The following CLDN10 variants were observed in gnomAD, a reference collection of about 807,000 sequenced individuals.
CLDN10 encodes claudin-10.
Under a neutral mutation model 22.9 loss-of-function variants are expected in CLDN10, and 15 were observed. The observed-to-expected ratio is 0.65, with a 90% CI of 0.44 to 1.01. The LOEUF (loss-of-function observed/expected upper bound fraction) is 1.01, where lower values mean the gene tolerates loss of function less well. Among genes scored for constraint, CLDN10 ranks in the 50% least tolerant of loss-of-function variants. The probability of loss-of-function intolerance (pLI) is 0.00; values close to 1 mark genes in which losing one functional copy is unlikely to be tolerated. For missense variants in CLDN10, 247 were observed against 287.8 expected, an observed-to-expected ratio of 0.86 and a Z score of 1.03; for synonymous variants, 114 against 111.4, an observed-to-expected ratio of 1.02 and a Z score of -0.15.
intron 1 of CLDN10, among the ~76,000 whole-genome samples, chr13:95,515,190 T>C (rs2043150880): frequency 6.6e-6 from 1 of 150,804 alleles, no homozygotes; most frequent in African/African-American, 2.5e-5. Context: ...TTTGTTGTTG[T>C]TGTTGTTGTT....
intron 1 of CLDN10, among the ~76,000 whole-genome samples, chr13:95,448,194 C>T (rs1233644342): frequency 6.6e-6 from 1 of 152,100 alleles, no homozygotes; most frequent in Non-Finnish European, 1.5e-5. Context: ...GACACCTCAA[C>T]ACACTACACA....
upstream of CLDN10, among the ~76,000 whole-genome samples, chr13:95,551,384 C>G (rs996272806): frequency 6.6e-6 from 1 of 152,194 alleles, no homozygotes; most frequent in Non-Finnish European, 1.5e-5. Flanking sequence ...TAGAAATAGA[C>G]AGGAACATTG....
At chr13:95,522,066 T>C (rs1378563392) in intron 1 of CLDN10, among the ~76,000 whole-genome samples, 1 of 152,048 alleles carries the variant, frequency 6.6e-6, no homozygotes, top group Non-Finnish European at 1.5e-5. Context: ...TTTCTTTTTT[T>C]ACTCAGTCTC....
chr13:95,578,352 C>A lies in CLDN10; in HGVS notation c.*338C>A, dbSNP rs970562709. ...TCATTCATAGATAGAAGTCTTTGTA[C>A]CCACTCCTTATGTTTCTTTTCATTC... On this transcript the variant is annotated 3_prime_UTR_variant, in exon 5 of 5. Transcript: ENST00000299339. 4.2e-5 allele frequency: 7 copies of A among 165,308 alleles called. No individual in the cohort carries two copies. The highest frequency in any genetic ancestry group is 1.4e-4 in the African/African-American group (6 of 41,870). The allele number at this position is 165,308 out of a possible 1,614,324, so 10.2% of individuals were successfully genotyped here. A position where few individuals can be genotyped will look rare whatever the true frequency, so the allele number is the denominator to read the frequency against.
intron 1 of CLDN10, among the ~76,000 whole-genome samples, chr13:95,443,689 G>T (rs1483480652): frequency 6.6e-6 from 1 of 152,180 alleles, no homozygotes; most frequent in Non-Finnish European, 1.5e-5. Flanking sequence ...TTGTCTGGTT[G>T]CCACCCTGGG....
At chr13:95,499,061 C>T (rs982391027) in intron 1 of CLDN10, among the ~76,000 whole-genome samples, 4 of 152,210 alleles carry the variant, frequency 2.6e-5, no homozygotes, top group Non-Finnish European at 5.9e-5. Context: ...AGCTTCCTTG[C>T]TTTTCAAGAC....
At chr13:95,547,043 TAA>T (rs2043516704) in intron 1 of CLDN10, among the ~76,000 whole-genome samples, 1 of 138,350 alleles carries the variant, frequency 7.2e-6, no homozygotes, top group African/African-American at 2.6e-5. Flanking sequence ...GGCGGCTGGC[TAA>T]CTTTTTTTTT....
At chr13:95,479,357 A>G (rs2042719634) in intron 1 of CLDN10, 1 of 151,994 alleles carries the variant, frequency 6.6e-6, no homozygotes, top group Non-Finnish European at 1.5e-5. Flanking sequence ...CTCGGGGGGA[A>G]AAAAAGTGGC....
At chr13:95,498,669 A>G (rs2042952665) in intron 1 of CLDN10, among the ~76,000 whole-genome samples, 1 of 152,236 alleles carries the variant, frequency 6.6e-6, no homozygotes, top group Non-Finnish European at 1.5e-5. Context: ...TGCTGGGATT[A>G]CAAGCATGAG....
intron 1 of CLDN10, among the ~76,000 whole-genome samples, chr13:95,448,290 A>G (rs1238875282): frequency 1.3e-5 from 2 of 152,094 alleles, no homozygotes; most frequent in Non-Finnish European, 2.9e-5. Context: ...ACACAAACAT[A>G]GCCAGCCATT....
At chr13:95,541,147 G>A (rs779178472) in intron 1 of CLDN10, among the ~76,000 whole-genome samples, 22 of 152,242 alleles carry the variant, frequency 1.4e-4, no homozygotes, top group East Asian at 3.8e-4. Flanking sequence ...CATAGGCACC[G>A]ATGCTTGAGA....
At chr13:95,553,176 G>A (rs934904301) in intron 1 of CLDN10, among the ~76,000 whole-genome samples, 18 of 152,196 alleles carry the variant, frequency 1.2e-4, no homozygotes, top group African/African-American at 4.1e-4. Context: ...CGGGGCGCCT[G>A]TTCGAGCCTG....
chr13:95,468,538 T>A (rs1594539394), intron 1 of CLDN10, among the ~76,000 whole-genome samples: 1 of 152,220 alleles, frequency 6.6e-6, no homozygotes, highest in East Asian at 1.9e-4. Context: ...CCAGCCTGGC[T>A]AACATGGTGA....
chr13:95,561,929 AT>A (rs1034744786), intron 3 of CLDN10, among the ~76,000 whole-genome samples: 5,229 of 135,664 alleles, frequency 0.039, 188 homozygotes, highest in African/African-American at 0.1. Context: ...CAACCAGATA[AT>A]TTTTTTTTTT....
At chr13:95,507,255 G>T (rs1019113115) in intron 1 of CLDN10, among the ~76,000 whole-genome samples, 3 of 152,032 alleles carry the variant, frequency 2.0e-5, no homozygotes, top group Admixed American at 6.5e-5. Flanking sequence ...GTTAAGGCTC[G>T]GGTAAATTCT....
intron 1 of CLDN10, among the ~76,000 whole-genome samples, chr13:95,503,597 C>T (rs561032237): frequency 2.0e-5 from 3 of 152,118 alleles, no homozygotes; most frequent in African/African-American, 7.2e-5. Context: ...CCCAAGTGTC[C>T]GTGGGTGGAT....
chr13:95,553,670 G>T (rs1008641116), intron 1 of CLDN10, among the ~76,000 whole-genome samples: 1 of 152,232 alleles, frequency 6.6e-6, no homozygotes, highest in Non-Finnish European at 1.5e-5. Flanking sequence ...CTTGGGCCGT[G>T]AGAGCGTGGC....
At chr13:95,474,400 C>T (rs2042665266) in intron 1 of CLDN10, among the ~76,000 whole-genome samples, 1 of 152,214 alleles carries the variant, frequency 6.6e-6, no homozygotes, top group Non-Finnish European at 1.5e-5. Flanking sequence ...CACCTGCCTG[C>T]CACTCACCTC....
intron 1 of CLDN10, among the ~76,000 whole-genome samples, chr13:95,518,584 C>T (rs959370126): frequency 7.9e-5 from 12 of 151,962 alleles, no homozygotes; most frequent in African/African-American, 1.7e-4. Flanking sequence ...GGTGAAACCC[C>T]ATCTCTACTA....
Sources: allele counts gnomAD v4.1 joint callset (sites outside exome capture counted in the v4.1 genomes callset), GRCh38; gene constraint gnomAD v4.1.1; transcripts MANE v1.5; gene names NCBI Gene and HGNC (gene_info 2026-07-23, HGNC 2026-07-21).